The following DNAH7 variants were observed in gnomAD, a reference collection of about 807,000 sequenced individuals.
DNAH7 encodes dynein axonemal heavy chain 7.
Under a neutral mutation model 444.6 loss-of-function variants are expected in DNAH7, and 397 were observed. The ratio of observed to expected loss-of-function variants is 0.89; its 90% CI spans 0.82 to 0.97. The LOEUF is 0.97. DNAH7 is among the 50% of genes least tolerant of loss of function. DNAH7 has a pLI of 0.00. For missense variants in DNAH7, 4,902 were observed against 4,800.8 expected, an observed-to-expected ratio of 1.02 and a Z score of -0.62; for synonymous variants, 1,636 against 1,624.4, an observed-to-expected ratio of 1.01 and a Z score of -0.17.
intron 58 of DNAH7, among the ~76,000 whole-genome samples, chr2:195,786,241 T>C (rs909942834): frequency 2.0e-5 from 3 of 152,184 alleles, no homozygotes; most frequent in Non-Finnish European, 4.4e-5. Flanking sequence ...AAACCAAAAC[T>C]TTTTCATACT....
chr2:195,943,688 T>C (rs1236377159), intron 19 of DNAH7, among the ~76,000 whole-genome samples: 1 of 152,208 alleles, frequency 6.6e-6, no homozygotes, highest in Non-Finnish European at 1.5e-5. Flanking sequence ...TCTTCATTTA[T>C]AGCTACATTA....
At chr2:195,816,585 A>C in intron 51 of DNAH7, 43 bp downstream of exon 51, 1 of 1,392,310 alleles carries the variant, frequency 7.2e-7, no homozygotes, top group Non-Finnish European at 9.9e-7. Flanking sequence ...CTCTGATTTC[A>C]TGCATTAATT....
chr2:195,751,332 G>C (rs1693784868), intron 63 of DNAH7, among the ~76,000 whole-genome samples: 1 of 152,146 alleles, frequency 6.6e-6, no homozygotes, highest in Non-Finnish European at 1.5e-5. Flanking sequence ...TGGAATAAGA[G>C]GTATCTTTAA....
At chr2:195,743,938 A>G (rs1193154308) in intron 63 of DNAH7, among the ~76,000 whole-genome samples, 1 of 152,244 alleles carries the variant, frequency 6.6e-6, no homozygotes, top group South Asian at 2.1e-4. Context: ...TGAATGACAC[A>G]GAAGACAGGT....
At chr2:195,958,089 T>C (rs531757360) in intron 18 of DNAH7, among the ~76,000 whole-genome samples, 60 of 152,278 alleles carry the variant, frequency 3.9e-4, no homozygotes, top group Non-Finnish European at 7.6e-4. Context: ...AGGTTTCAAC[T>C]GTGTAGGTCC....
At chr2:195,883,566 C>T (rs1701545559) in intron 35 of DNAH7, among the ~76,000 whole-genome samples, 1 of 151,726 alleles carries the variant, frequency 6.6e-6, no homozygotes, top group Non-Finnish European at 1.5e-5. Context: ...AATGGCAAAA[C>T]TTGCAAAATA....
chr2:195,864,271 T>C lies in DNAH7; in HGVS notation c.7384A>G (p.Ile2462Val), dbSNP rs1020651499. The change falls in exon 41 of 65, where the codon ATT becomes GTT. Residue 2462 changes from isoleucine (I) to valine (V), a missense_variant. By Grantham distance (29) the Ile-to-Val change is conservative. Coordinates refer to ENST00000312428, the MANE Select transcript of DNAH7 (RefSeq NM_018897.3). ...GSPIALFNMFIDHCRSQLHVV... is the reference protein window; with the variant it reads ...GSPIALFNMFVDHCRSQLHVV... ...TGCAGTTGGCTGCGGCAATGATCAA[T>C]AAACATGTTGAAAAGGGCTATGGGG... 9.9e-6 allele frequency: 16 copies of C among 1,614,156 alleles called. No homozygotes were observed. Among genetic ancestry groups the C allele is most frequent in the South Asian group, 5.5e-5 (5 of 91,080 alleles).
chr2:196,067,656 A>C (rs1269280816), intron 1 of DNAH7, among the ~76,000 whole-genome samples: 1 of 152,194 alleles, frequency 6.6e-6, no homozygotes, highest in Non-Finnish European at 1.5e-5. Flanking sequence ...ATCTTCACAT[A>C]GTTCTGTTAG....
At chr2:195,824,132 G>A in intron 49 of DNAH7, 123 bp downstream of exon 49, 1 of 839,744 alleles carries the variant, frequency 1.2e-6, no homozygotes, top group Non-Finnish European at 1.7e-6. Flanking sequence ...ATAATTTTAG[G>A]AAATACCAAA....
chr2:195,990,382 G>A (rs919271865), intron 12 of DNAH7, among the ~76,000 whole-genome samples: 1 of 152,090 alleles, frequency 6.6e-6, no homozygotes, highest in Non-Finnish European at 1.5e-5. Flanking sequence ...TTAGTTACTG[G>A]CTGGACATGG....
At chr2:196,003,005 T>C (rs1422832346) in intron 10 of DNAH7, among the ~76,000 whole-genome samples, 1 of 147,324 alleles carries the variant, frequency 6.8e-6, no homozygotes, top group African/African-American at 2.5e-5. Context: ...TGAAACTCCG[T>C]CTCAAAAAGA....
intron 19 of DNAH7, among the ~76,000 whole-genome samples, chr2:195,954,900 G>C (rs897463778): frequency 1.3e-5 from 2 of 152,134 alleles, no homozygotes; most frequent in African/African-American, 4.8e-5. Flanking sequence ...ATTTGTTGGA[G>C]TTCTTTGTAG....
intron 10 of DNAH7, among the ~76,000 whole-genome samples, chr2:196,010,416 G>A (rs891071037): frequency 1.3e-5 from 2 of 152,104 alleles, no homozygotes; most frequent in African/African-American, 4.8e-5. Flanking sequence ...CAAAGTGCTG[G>A]GAGTGATAGG....
chr2:195,972,181 C>A, intron 16 of DNAH7, 61 bp downstream of exon 16: 1 of 1,382,956 alleles, frequency 7.2e-7, no homozygotes, highest in Non-Finnish European at 1.0e-6. Context: ...GACAATGCTA[C>A]ATAAAAAGAT....
intron 9 of DNAH7, among the ~76,000 whole-genome samples, chr2:196,018,822 C>T (rs924411776): frequency 2.6e-5 from 4 of 152,012 alleles, no homozygotes; most frequent in Admixed American, 6.6e-5. Flanking sequence ...AGGAGTATAA[C>T]TGGATTGTTT....
At chr2:195,923,343 G>A (rs759871504) in intron 23 of DNAH7, among the ~76,000 whole-genome samples, 1 of 152,134 alleles carries the variant, frequency 6.6e-6, no homozygotes, top group Non-Finnish European at 1.5e-5. Flanking sequence ...TCATTTTCGT[G>A]TATCTATATA....
At chr2:195,834,463 T>C (rs1046152519) in intron 47 of DNAH7, 103 bp from the exon 48 acceptor site, 127 of 1,257,664 alleles carry the variant, frequency 1.0e-4, no homozygotes, top group Non-Finnish European at 1.3e-4. Flanking sequence ...TTGCCCTTTA[T>C]TGTAATATTT....
At chr2:195,831,413 C>A (rs1041182515) in intron 48 of DNAH7, among the ~76,000 whole-genome samples, 1 of 152,346 alleles carries the variant, frequency 6.6e-6, no homozygotes, top group African/African-American at 2.4e-5. Flanking sequence ...GCCTGCTCAA[C>A]CCAGGCTGCC....
chr2:195,956,587 G>T (rs1457130072), intron 19 of DNAH7, among the ~76,000 whole-genome samples: 1 of 151,604 alleles, frequency 6.6e-6, no homozygotes, highest in Admixed American at 6.6e-5. Context: ...GGAGGCAAAG[G>T]TTGCAGTAAG....
Sources: allele counts gnomAD v4.1 joint callset (sites outside exome capture counted in the v4.1 genomes callset), GRCh38; gene constraint gnomAD v4.1.1; transcripts MANE v1.5; gene names NCBI Gene and HGNC (gene_info 2026-07-23, HGNC 2026-07-21).